Variants in VPS9D1 observed in about 807,000 individuals in gnomAD.
VPS9D1 encodes VPS9 domain containing 1.
VPS9D1 carries 78 observed loss-of-function variants against 75.8 expected under a neutral mutation model. The ratio of observed to expected loss-of-function variants is 1.03; its 90% CI spans 0.86 to 1.24. The LOEUF is 1.24. VPS9D1 is among the 50% of genes most tolerant of loss of function. The pLI, the probability that VPS9D1 is intolerant of heterozygous loss-of-function variation, is 0.00. For synonymous variants in VPS9D1, 481 were observed against 385.6 expected (o/e 1.25, Z -2.90); for missense variants, 1,057 against 847.7 (o/e 1.25, Z -3.07).
In VPS9D1 at chr16:89,707,556, G is replaced by A. The variant is rs920757234; in HGVS notation, c.*305C>T. 6.5e-5 allele frequency: 21 copies of A among 322,262 alleles called. 1 individual carries two copies. The highest frequency in any genetic ancestry group is 1.8e-4 in the South Asian group (4 of 21,934). The allele number at this position is 322,262 out of a possible 1,614,324, so 20.0% of individuals were successfully genotyped here. A position where few individuals can be genotyped will look rare whatever the true frequency, so the allele number is the denominator to read the frequency against. Reference sequence around the variant, plus strand: ...GTTCATCGCTGAGCCTGCACCCACCGAAGCCCAAAGCTTCCCTTCTTGGCC... The same window carrying A: ...GTTCATCGCTGAGCCTGCACCCACCAAAGCCCAAAGCTTCCCTTCTTGGCC... On this transcript the variant is annotated 3_prime_UTR_variant, in exon 15 of 15. Transcript: ENST00000389386.
chr16:89,713,449 T>A (rs1274119559), intron 4 of VPS9D1, among the ~76,000 whole-genome samples: 2 of 149,928 alleles, frequency 1.3e-5, no homozygotes, highest in African/African-American at 4.9e-5. Flanking sequence ...AGAGACGGGG[T>A]TTCACCGCAT....
At chr16:89,717,385 G>T (rs1168921365) in intron 2 of VPS9D1, 3 of 370,562 alleles carry the variant, frequency 8.1e-6, no homozygotes, top group Non-Finnish European at 1.6e-5. Flanking sequence ...AGGACGTGCT[G>T]AGGGGATCGC....
chr16:89,708,735 T>G (rs2060845823), intron 13 of VPS9D1, 122 bp downstream of exon 13: 5 of 1,208,778 alleles, frequency 4.1e-6, no homozygotes, highest in South Asian at 3.1e-5. Context: ...CACACGGCCC[T>G]CCTGCTTCTA....
chr16:89,720,263 C>T (rs2061215924), intron 1 of VPS9D1: 2 of 395,554 alleles, frequency 5.1e-6, no homozygotes, highest in South Asian at 2.1e-4. Flanking sequence ...TGGTCGCCAA[C>T]CTTAGATTCG....
In VPS9D1 at chr16:89,708,925, C is replaced by G; in HGVS notation, c.1629G>C (p.Ala543=). Residue 543 remains alanine (A), a synonymous_variant, in exon 13 of 15, where the codon GCG becomes GCC. Coordinates refer to ENST00000389386, the MANE Select transcript of VPS9D1 (RefSeq NM_004913.3). ...CCTCTGGGGTGGGGCAGTAGTCTTC[C>G]GCACAGACACAGATGATCCGCAGGG... ...VRTLRIICVC[A]EDYCPTPEAT... is the part of the protein sequence containing the mutation. 3.1e-6 allele frequency: 5 copies of G among 1,603,820 alleles called. No homozygotes were observed. Among genetic ancestry groups the G allele is most frequent in the Non-Finnish European group, 4.2e-6 (5 of 1,176,776 alleles).
rs1437032167 is a variant in VPS9D1 at position 89,710,874 on chromosome 16, G to A, written c.970C>T (p.Arg324Trp). 3.3e-6 allele frequency: 5 copies of A among 1,503,014 alleles called. No individual in the cohort carries two copies. The highest frequency in any genetic ancestry group is 1.3e-5 in the South Asian group (1 of 79,216). The allele number at this position is 1,503,014 out of a possible 1,614,324, so 93.1% of individuals were successfully genotyped here. Residue 324 changes from arginine to tryptophan, a missense_variant, in exon 10 of 15, where the codon CGG becomes TGG. Physicochemically the swap from Arg to Trp is moderately radical, Grantham distance 101 (BLOSUM62 -3). Coordinates refer to ENST00000389386, the MANE Select transcript of VPS9D1 (RefSeq NM_004913.3). ...TGGAGGCTCTGCGAGGGCCGCAGCC[G>A]TCGGCTTCCGGGGTTGGGGGTCGGG... ...CPPTPNPGSRRLRPSQSLHCM... is the reference protein window; with the variant it reads ...CPPTPNPGSRWLRPSQSLHCM...
chr16:89,711,413 C>G lies in VPS9D1; in HGVS notation c.748-1G>C. On this transcript the variant is annotated splice_acceptor_variant, in intron 8 of 14. Coordinates refer to ENST00000389386, the MANE Select transcript of VPS9D1 (RefSeq NM_004913.3). LOFTEE classifies it high-confidence loss of function. The stretch of plus-strand genomic sequence containing the variant: ...TGGCCTTCCAGTGCTTCGGCCAGTC[C>G]TACGGGACAGGGGGCCTTGAAGGAA... 6.2e-7 allele frequency: 1 copy of G among 1,604,810 alleles called. No individual in the cohort carries two copies.
At chr16:89,717,002 C>A (rs1219245169) in intron 2 of VPS9D1, 180 bp from the exon 3 acceptor site, 1 of 466,028 alleles carries the variant, frequency 2.1e-6, no homozygotes, top group African/African-American at 3.2e-5. Flanking sequence ...CCCACTGCCC[C>A]CCCATCCCCT....
At chr16:89,711,832 C>T (rs754585750) in intron 8 of VPS9D1, 50 bp downstream of exon 8, 2 of 1,536,750 alleles carry the variant, frequency 1.3e-6, no homozygotes, top group African/African-American at 1.4e-5. Context: ...TCTGACCCCG[C>T]CCCCCTCGCT....
intron 2 of VPS9D1, 31 bp downstream of exon 2, chr16:89,718,996 G>A (rs1282080371): frequency 6.3e-7 from 1 of 1,598,644 alleles, no homozygotes; most frequent in South Asian, 1.1e-5. Context: ...TTACAGGCGT[G>A]AGCCACCGCG....
At chr16:89,717,481 C>T (rs956648777) in intron 2 of VPS9D1, 12 of 444,286 alleles carry the variant, frequency 2.7e-5, no homozygotes, top group African/African-American at 2.2e-4. Flanking sequence ...CATGGACCTG[C>T]TCACACAGCC....
rs2060953771 is a variant in VPS9D1, at chr16:89,712,413, A to C, written c.606+47T>G. On this transcript the variant is annotated intron_variant, in intron 6 of 14. Transcript: ENST00000389386. ...CCTTCTCTGCCCTTGGCTCAAGGCCACACTGAGTTTCCCCTCGGGGACCAC... is the reference window on the plus strand; with the variant it reads ...CCTTCTCTGCCCTTGGCTCAAGGCCCCACTGAGTTTCCCCTCGGGGACCAC... The C allele has an allele frequency of 3.7e-6, 6 of 1,609,162 alleles. No individual in the cohort carries two copies. In the East Asian group the frequency reaches 1.3e-4, roughly 36 times the overall value.
At chr16:89,720,405 T>C in intron 1 of VPS9D1, 1 of 1,010,328 alleles carries the variant, frequency 9.9e-7, no homozygotes, top group Non-Finnish European at 1.2e-6. Flanking sequence ...GGATTAAATC[T>C]ACCATCTCTG....
At chr16:89,711,116 T>C (rs940155434) in intron 9 of VPS9D1, 106 bp from the exon 10 acceptor site, 2 of 1,272,152 alleles carry the variant, frequency 1.6e-6, no homozygotes, top group African/African-American at 1.5e-5. Context: ...CATTACCTCC[T>C]GACAGTGAAT....
rs765274485 is a variant in VPS9D1 at position 89,711,053 on chromosome 16, C to T, written c.834-43G>A. 2.8e-6 allele frequency: 4 copies of T among 1,429,658 alleles called. No homozygotes were observed. The Admixed American group carries it at 1.1e-4, about 41-fold the overall frequency. The allele number at this position is 1,429,658 out of a possible 1,614,324, so 88.6% of individuals were successfully genotyped here. ...GTGAGAACGCGGCCAGCCTCGGCCT[C>T]TCCGTGGCATCCACAGGTGCCGCGC... On this transcript the variant is annotated intron_variant, in intron 9 of 14. Transcript: ENST00000389386.
rs765605941 is a variant in VPS9D1 at position 89,708,529 on chromosome 16, C to T, written c.1700G>A (p.Gly567Asp). 1.2e-6 allele frequency: 2 copies of T among 1,612,638 alleles called. No homozygotes were observed. The highest frequency in any genetic ancestry group is 2.2e-5 in the South Asian group (2 of 90,930). The stretch of plus-strand genomic sequence containing the variant: ...CAGGATGGGCAGCAGGTCATCGGCA[C>T]CACTGTCGGGAGGGCATAGCGGCCT... ...GPPPIAAAAI[G>D]ADDLLPILSF... The change falls in exon 14 of 15, where the codon GGT becomes GAT. Residue 567 changes from glycine (G) to aspartate (D), a missense_variant and splice_region_variant. Physicochemically the swap from Gly to Asp is moderately conservative, Grantham distance 94. Coordinates refer to ENST00000389386, the MANE Select transcript of VPS9D1 (RefSeq NM_004913.3).
At chr16:89,714,227 T>C (rs1381896842) in intron 4 of VPS9D1, among the ~76,000 whole-genome samples, 1 of 152,090 alleles carries the variant, frequency 6.6e-6, no homozygotes, top group Non-Finnish European at 1.5e-5. Context: ...CGGGAGCCAC[T>C]GCGCCCAGCC....
At chr16:89,716,940 T>G in intron 2 of VPS9D1, 118 bp from the exon 3 acceptor site, 1 of 739,844 alleles carries the variant, frequency 1.4e-6, no homozygotes. Context: ...GCACCCCCAC[T>G]GACCCCGGGC....
rs1248560609 is a variant in VPS9D1, at chr16:89,716,560, G to C, written c.333C>G (p.His111Gln). 6.2e-7 allele frequency: 1 copy of C among 1,614,066 alleles called. No homozygotes were observed. The highest frequency in any genetic ancestry group is 1.1e-5 in the South Asian group (1 of 91,088). Residue 111 changes from histidine (H) to glutamine (Q), a missense_variant, in exon 4 of 15, where the codon CAC becomes CAG. Physicochemically the swap from His to Gln is conservative, Grantham distance 24 (BLOSUM62 0). Coordinates refer to ENST00000389386, the MANE Select transcript of VPS9D1 (RefSeq NM_004913.3). ...AAPIPQPAGR[H>Q]RRVYSDEGGK... ...CTCCTTCATCGGAGTATACACGGCG[G>C]TGTCGGCCGGCAGGCTGGGGAATGG...
Sources: allele counts gnomAD v4.1 joint callset (sites outside exome capture counted in the v4.1 genomes callset), GRCh38; gene constraint gnomAD v4.1.1; transcripts MANE v1.5; gene names NCBI Gene and HGNC (gene_info 2026-07-23, HGNC 2026-07-21).